The following SNTG1 variants were observed in gnomAD, a reference collection of about 807,000 sequenced individuals.
The protein encoded by SNTG1 is syntrophin gamma 1, also known as gamma-1-syntrophin.
A neutral mutation model predicts 74.7 loss-of-function variants in SNTG1; 39 were observed. The ratio of observed to expected loss-of-function variants is 0.52; its 90% CI spans 0.40 to 0.68. The LOEUF (loss-of-function observed/expected upper bound fraction) is 0.68. SNTG1 is among the 30% of genes least tolerant of loss of function. The probability of loss-of-function intolerance (pLI) is 0.00; values close to 1 mark genes in which losing one functional copy is unlikely to be tolerated. For synonymous variants in SNTG1, 254 were observed against 217.1 expected (o/e 1.17, Z -1.49); for missense variants, 685 against 609.5 (o/e 1.12, Z -1.30).
intron 2 of SNTG1, among the ~76,000 whole-genome samples, chr8:50,182,587 A>G (rs2083244342): frequency 6.6e-6 from 1 of 152,092 alleles, no homozygotes; most frequent in African/African-American, 2.4e-5. Context: ...TTGCAACAGG[A>G]AGCATTTTTT....
At chr8:50,079,878 G>C (rs1169021141) in intron 1 of SNTG1, among the ~76,000 whole-genome samples, 1 of 152,118 alleles carries the variant, frequency 6.6e-6, no homozygotes, top group African/African-American at 2.4e-5. Context: ...TGTTATTTCT[G>C]AGGCTTCTGT....
At chr8:50,524,077 C>T (rs1030290702) in intron 9 of SNTG1, among the ~76,000 whole-genome samples, 4 of 152,040 alleles carry the variant, frequency 2.6e-5, no homozygotes, top group African/African-American at 9.7e-5. Context: ...TCATTTGTTT[C>T]CTTGTTTTTT....
chr8:50,143,046 C>T (rs2081728594), intron 1 of SNTG1, among the ~76,000 whole-genome samples: 1 of 151,870 alleles, frequency 6.6e-6, no homozygotes, highest in Non-Finnish European at 1.5e-5. Flanking sequence ...TGCACTCCAG[C>T]CTGGGGGCCA....
intron 8 of SNTG1, among the ~76,000 whole-genome samples, chr8:50,496,339 C>T (rs1190089971): frequency 6.6e-6 from 1 of 152,106 alleles, no homozygotes; most frequent in African/African-American, 2.4e-5. Flanking sequence ...ATCTTCCTGC[C>T]CTTGCTGTCT....
chr8:50,220,383 A>T (rs1383332088), intron 2 of SNTG1, among the ~76,000 whole-genome samples: 1 of 152,172 alleles, frequency 6.6e-6, no homozygotes, highest in Non-Finnish European at 1.5e-5. Context: ...TTCAAAAGAT[A>T]ACAGGGATTA....
intron 2 of SNTG1, among the ~76,000 whole-genome samples, chr8:50,305,613 A>T (rs1375947): frequency 0.48 from 70,916 of 148,320 alleles, 19,199 homozygotes; most frequent in East Asian, 0.83. Flanking sequence ...TTGTTTTTGT[A>T]TTTTTTCCAA....
intron 18 of SNTG1, among the ~76,000 whole-genome samples, chr8:50,789,920 T>C (rs889705048): frequency 6.6e-6 from 1 of 151,962 alleles, no homozygotes; most frequent in Non-Finnish European, 1.5e-5. Context: ...CTTAATTCAT[T>C]CCATTCCACA....
At chr8:50,537,205 A>G (rs1289012567) in intron 11 of SNTG1, among the ~76,000 whole-genome samples, 1 of 151,982 alleles carries the variant, frequency 6.6e-6, no homozygotes, top group Non-Finnish European at 1.5e-5. Flanking sequence ...GCTCACTGCA[A>G]CCTCCACCTC....
At chr8:49,990,311 A>C (rs1021875213) in intron 1 of SNTG1, among the ~76,000 whole-genome samples, 1 of 152,188 alleles carries the variant, frequency 6.6e-6, no homozygotes, top group African/African-American at 2.4e-5. Context: ...GGAATGTAAG[A>C]CTGAAACTGT....
At chr8:50,669,944 A>T (rs1005605472) in intron 15 of SNTG1, among the ~76,000 whole-genome samples, 2 of 152,164 alleles carry the variant, frequency 1.3e-5, no homozygotes, top group African/African-American at 4.8e-5. Flanking sequence ...CAAAAACCAC[A>T]TGATTATCTC....
At chr8:50,189,932 C>G (rs540229470) in intron 2 of SNTG1, among the ~76,000 whole-genome samples, 3 of 152,104 alleles carry the variant, frequency 2.0e-5, no homozygotes, top group Non-Finnish European at 4.4e-5. Context: ...TAAGTTAATT[C>G]TTCTCTAGAA....
Position 50,508,448 on chromosome 8 carries a change from G to C in SNTG1, c.466+5568G>C, listed in dbSNP as rs190642299. On this transcript the variant is annotated intron_variant, in intron 9 of 18. Transcript: ENST00000642720. ...TGGGTATATACCCAGTAATGGGATT[G>C]CTGGGTCAAATGGTATTTCTAGTTC... Among the ~76,000 whole-genome samples the C allele has an allele frequency of 3.3e-5, 5 of 152,294 alleles. No homozygotes were observed. The East Asian group carries it at 9.6e-4, about 29-fold the overall frequency.
intron 1 of SNTG1, among the ~76,000 whole-genome samples, chr8:50,061,758 T>C (rs1488317813): frequency 6.6e-6 from 1 of 152,168 alleles, no homozygotes; most frequent in Non-Finnish European, 1.5e-5. Flanking sequence ...GTATATGGCT[T>C]AATTTTTAAG....
At chr8:50,384,935 C>G (rs2092550501) in intron 2 of SNTG1, among the ~76,000 whole-genome samples, 1 of 152,116 alleles carries the variant, frequency 6.6e-6, no homozygotes, top group African/African-American at 2.4e-5. Context: ...TCTCAGGTGA[C>G]TTGGTGTCCC....
chr8:50,793,773 A>T lies in SNTG1; in HGVS notation c.*944A>T, dbSNP rs2095697880. The T allele has an allele frequency of 6.6e-6, 1 of 151,952 alleles. No individual in the cohort carries two copies. The highest frequency in any genetic ancestry group is 2.4e-5 in the African/African-American group (1 of 41,428). The allele number at this position is 151,952 out of a possible 1,614,324, so 9.4% of individuals were successfully genotyped here. ...AGTCTACTAGTTAATCATGAACTAA[A>T]ATGTCCCCCGAAAACAGTCCCAAAG... is the stretch of plus-strand genomic sequence containing the variant. On this transcript the variant is annotated 3_prime_UTR_variant, in exon 19 of 19. Transcript: ENST00000642720.
chr8:49,918,965 G>A lies in SNTG1; in HGVS notation c.-103+6734G>A, dbSNP rs571676079. On this transcript the variant is annotated intron_variant, in intron 1 of 18. Coordinates refer to ENST00000642720, the MANE Select transcript of SNTG1 (RefSeq NM_018967.5). Reference sequence around the variant, plus strand: ...TGCAGTAGCAGATTATAGCAGGTATGGCTTGATTAAAGTGTTCAAATACTA... The same window carrying A: ...TGCAGTAGCAGATTATAGCAGGTATAGCTTGATTAAAGTGTTCAAATACTA... Among the ~76,000 whole-genome samples, 3 of 152,192 alleles carry A rather than the reference G, an allele frequency of 2.0e-5. No individual in the cohort carries two copies. The South Asian group carries it at 6.2e-4, about 32-fold the overall frequency.
intron 1 of SNTG1, among the ~76,000 whole-genome samples, chr8:50,133,686 C>T (rs2131416726): frequency 6.6e-6 from 1 of 152,274 alleles, no homozygotes; most frequent in East Asian, 1.9e-4. Flanking sequence ...TCACCCCAGT[C>T]TCTGCCTCCA....
At chr8:50,181,826 C>A (rs1166034640) in intron 2 of SNTG1, among the ~76,000 whole-genome samples, 1 of 151,976 alleles carries the variant, frequency 6.6e-6, no homozygotes, top group Non-Finnish European at 1.5e-5. Context: ...TTGGGCTTTG[C>A]TGCATATTAT....
intron 1 of SNTG1, among the ~76,000 whole-genome samples, chr8:49,958,105 T>C (rs1810345020): frequency 6.6e-6 from 1 of 152,104 alleles, no homozygotes; most frequent in African/African-American, 2.4e-5. Flanking sequence ...TTCAAATAAA[T>C]GTGGAGACCA....
Sources: gnomAD v4.1 joint callset for allele counts (sites outside exome capture counted in the v4.1 genomes callset) on GRCh38, gnomAD v4.1.1 for gene constraint, MANE v1.5 for transcripts, NCBI Gene and HGNC (gene_info 2026-07-23, HGNC 2026-07-21) for gene names.